Variants in GLYR1 observed in about 807,000 individuals in gnomAD.
GLYR1 encodes the protein glyoxylate reductase 1 homolog.
In GLYR1, 21 loss-of-function variants were observed where a neutral mutation model predicts 72.7. The ratio of observed to expected loss-of-function variants is 0.29; its 90% CI spans 0.20 to 0.42. GLYR1 has a LOEUF of 0.42. Among genes scored for constraint, GLYR1 ranks in the 10% least tolerant of loss-of-function variants. The pLI is 1.00. For missense variants in GLYR1, 594 were observed against 712.1 expected, an observed-to-expected ratio of 0.83 and a Z score of 1.89; for synonymous variants, 392 against 270.2, an observed-to-expected ratio of 1.45 and a Z score of -4.42.
chr16:4,813,721 C>G lies in GLYR1; in HGVS notation c.1119+16G>C. ...TAGAAAAGATGCTGGAGAGCCAGCC[C>G]AAGGAAGGCTGCTACCTGGGCCAGC... On this transcript the variant is annotated intron_variant, in intron 12 of 15. Coordinates refer to ENST00000321919, the MANE Select transcript of GLYR1 (RefSeq NM_032569.4). 6.3e-7 allele frequency: 1 copy of G among 1,575,350 alleles called. No homozygotes were observed. The highest frequency in any genetic ancestry group is 8.6e-7 in the Non-Finnish European group (1 of 1,158,940).
At chr16:4,830,152 A>G (rs1458497883) in intron 5 of GLYR1, among the ~76,000 whole-genome samples, 1 of 151,404 alleles carries the variant, frequency 6.6e-6, no homozygotes. Flanking sequence ...AGCTCAAGCA[A>G]TCTGCTCACC....
intron 5 of GLYR1, among the ~76,000 whole-genome samples, chr16:4,830,572 G>A (rs2084731232): frequency 6.6e-6 from 1 of 152,202 alleles, no homozygotes; most frequent in Non-Finnish European, 1.5e-5. Context: ...GCTCGCTGGT[G>A]TCTGAATTTT....
At chr16:4,813,917 T>C (rs1217746853) in intron 11 of GLYR1, 79 bp from the exon 12 acceptor site, 1 of 1,091,652 alleles carries the variant, frequency 9.2e-7, no homozygotes, top group East Asian at 2.6e-5. Context: ...CAGATCAGAA[T>C]CCTGCTGCTG....
chr16:4,808,133 G>A (rs569224138), intron 15 of GLYR1, among the ~76,000 whole-genome samples: 2 of 152,050 alleles, frequency 1.3e-5, no homozygotes, highest in African/African-American at 2.4e-5. Flanking sequence ...CTACTTGGGA[G>A]GCTGAGGCAG....
At chr16:4,806,180 T>C (rs1255912282) in intron 15 of GLYR1, among the ~76,000 whole-genome samples, 1 of 152,172 alleles carries the variant, frequency 6.6e-6, no homozygotes, top group Non-Finnish European at 1.5e-5. Context: ...CACTGGCGTC[T>C]GGTGGGTGGG....
intron 2 of GLYR1, among the ~76,000 whole-genome samples, chr16:4,845,802 T>G (rs1429948083): frequency 2.0e-5 from 3 of 152,210 alleles, no homozygotes; most frequent in African/African-American, 4.8e-5. Context: ...TTAAACTTAG[T>G]TGGGACAAAA....
intron 5 of GLYR1, among the ~76,000 whole-genome samples, chr16:4,827,600 C>CA (rs138049666): frequency 0.15 from 23,220 of 151,434 alleles, 2,047 homozygotes; most frequent in East Asian, 0.26. Context: ...AACAAACAAA[C>CA]AAACAAACAA....
rs2082867048 is a variant in GLYR1 at position 4,804,625 on chromosome 16, G to A, written c.*611C>T. On this transcript the variant is annotated 3_prime_UTR_variant, in exon 16 of 16. Coordinates refer to ENST00000321919, the MANE Select transcript of GLYR1 (RefSeq NM_032569.4). Reference sequence around the variant, plus strand: ...TCACAAAGGCGTCTATGGAGCGCTGGGTGCACACTGGACGCTTAGACGTGA... The same window carrying A: ...TCACAAAGGCGTCTATGGAGCGCTGAGTGCACACTGGACGCTTAGACGTGA... 6.5e-6 allele frequency: 1 copy of A among 153,684 alleles called. No homozygotes were observed. Among genetic ancestry groups the A allele is most frequent in the Admixed American group, 6.4e-5 (1 of 15,520 alleles). The allele number at this position is 153,684 out of a possible 1,614,324, so 9.5% of individuals were successfully genotyped here. A position where few individuals can be genotyped will look rare whatever the true frequency, so the allele number is the denominator to read the frequency against.
intron 11 of GLYR1, chr16:4,814,061 AT>A (rs1386597788): frequency 3.1e-5 from 12 of 392,068 alleles, no homozygotes; most frequent in Middle Eastern, 6.5e-4. Context: ...ATTTCTTTTT[AT>A]TTAAAAAAAA....
chr16:4,838,768 T>C (rs1052673681), intron 3 of GLYR1, among the ~76,000 whole-genome samples: 2 of 152,100 alleles, frequency 1.3e-5, no homozygotes, highest in African/African-American at 4.8e-5. Flanking sequence ...TTTGTATTTT[T>C]AGGAGAGACG....
At chr16:4,813,065 C>T (rs2083420645) in intron 12 of GLYR1, among the ~76,000 whole-genome samples, 1 of 151,894 alleles carries the variant, frequency 6.6e-6, no homozygotes, top group Admixed American at 6.6e-5. Context: ...TGGGTTCATG[C>T]CGCTCTCCTG....
Position 4,813,732 on chromosome 16 carries a change from G to A in GLYR1, c.1119+5C>T. ...CTGGAGAGCCAGCCCAAGGAAGGCT[G>A]CTACCTGGGCCAGCTCAGTGACGGT... On this transcript the variant is annotated splice_donor_5th_base_variant and intron_variant, in intron 12 of 15. Transcript: ENST00000321919. 3.1e-6 allele frequency: 5 copies of A among 1,589,834 alleles called. No homozygotes were observed. The highest frequency in any genetic ancestry group is 3.4e-6 in the Non-Finnish European group (4 of 1,167,288).
Position 4,811,292 on chromosome 16 carries a change from T to C in GLYR1, c.1465A>G (p.Ile489Val). 6.2e-7 allele frequency: 1 copy of C among 1,613,522 alleles called. No homozygotes were observed. The highest frequency in any genetic ancestry group is 1.1e-5 in the South Asian group (1 of 90,920). Residue 489 changes from isoleucine (I) to valine (V), a missense_variant and splice_region_variant, in exon 15 of 16, where the codon ATC (isoleucine) becomes GTC (valine). Coordinates refer to ENST00000321919, the MANE Select transcript of GLYR1 (RefSeq NM_032569.4). ...TCAGGCTTAAAGTTTCCTTGCAGGA[T>C]ATCTGAGGAGAAAAAGCCAGTATCA... ...SIFLDQKCQN[I>V]LQGNFKPDFY...
chr16:4,807,103 GC>G (rs375487716), intron 15 of GLYR1, among the ~76,000 whole-genome samples: 2 of 139,622 alleles, frequency 1.4e-5, no homozygotes, highest in Admixed American at 7.4e-5. Flanking sequence ...ACTGCGCCTG[GC>G]CCCTTTTTTT....
At chr16:4,807,104 C>CT (rs1491102344) in intron 15 of GLYR1, among the ~76,000 whole-genome samples, 4 of 137,300 alleles carry the variant, frequency 2.9e-5, no homozygotes, top group African/African-American at 5.4e-5. Context: ...CTGCGCCTGG[C>CT]CCCTTTTTTT....
intron 3 of GLYR1, 86 bp downstream of exon 3, chr16:4,844,988 G>C: frequency 5.8e-6 from 5 of 867,896 alleles, no homozygotes; most frequent in Non-Finnish European, 9.6e-6. Flanking sequence ...CTGAACTAAG[G>C]ATCCTTAGAA....
At position 4,823,858 on chromosome 16, in the gene GLYR1, G is replaced by T. The variant is rs763276774; in HGVS notation, c.587C>A (p.Pro196Gln). Residue 196 changes from proline to glutamine, a missense_variant, in exon 6 of 16, where the codon CCG becomes CAG. Coordinates refer to ENST00000321919, the MANE Select transcript of GLYR1 (RefSeq NM_032569.4). Reference sequence around the variant, plus strand: ...TGGCTGCCATTTAAACGCGGCCATCGGTCCGGCCATCATCCCCTTCACGGT... The same window carrying T: ...TGGCTGCCATTTAAACGCGGCCATCTGTCCGGCCATCATCCCCTTCACGGT... The part of the protein sequence containing the change: ...SSTVKGMMAG[P>Q]MAAFKWQPTA... 8 of 1,613,970 alleles carry T rather than the reference G, an allele frequency of 5.0e-6. No individual in the cohort carries two copies. The South Asian group carries it at 8.8e-5, about 18-fold the overall frequency.
At chr16:4,820,498 T>A (rs1420428238) in intron 9 of GLYR1, among the ~76,000 whole-genome samples, 1 of 152,182 alleles carries the variant, frequency 6.6e-6, no homozygotes, top group African/African-American at 2.4e-5. Context: ...ATCCTGATCA[T>A]TTTTTTATTT....
chr16:4,830,032 G>T (rs995163140), intron 5 of GLYR1, among the ~76,000 whole-genome samples: 1 of 151,914 alleles, frequency 6.6e-6, no homozygotes, highest in African/African-American at 2.4e-5. Context: ...TAGAACTCCT[G>T]GGCTCAGGGG....
Sources: allele counts gnomAD v4.1 joint callset (sites outside exome capture counted in the v4.1 genomes callset), GRCh38; gene constraint gnomAD v4.1.1; transcripts MANE v1.5; gene names NCBI Gene and HGNC (gene_info 2026-07-23, HGNC 2026-07-21).